CSMD1: variants seen among roughly 807,000 people sequenced by gnomAD.
CSMD1 encodes the protein CUB and Sushi multiple domains 1.
A neutral mutation model predicts 417.5 loss-of-function variants in CSMD1; 213 were observed. That is an observed-to-expected ratio of 0.51 (90% CI 0.46 to 0.57). CSMD1 has a LOEUF of 0.57. Ranked by LOEUF, CSMD1 falls within the 20% of genes least tolerant of loss-of-function variation. CSMD1 has a pLI of 0.00. For synonymous variants in CSMD1, 2,862 were observed against 1,736.8 expected (o/e 1.65, Z -16.11); for missense variants, 6,923 against 4,529.7 (o/e 1.53, Z -15.17).
intron 3 of CSMD1, among the ~76,000 whole-genome samples, chr8:4,120,021 G>A (rs13261350): frequency 0.99 from 150,618 of 152,252 alleles, 74,525 homozygotes; most frequent in East Asian, 1. Context: ...GGCAGTTGAT[G>A]ATAATTTAAT....
Position 4,559,725 on chromosome 8 carries a change from C to G in CSMD1, c.302+77617G>C, listed in dbSNP as rs528369778. Among the ~76,000 whole-genome samples, 3 of 152,352 alleles carry G rather than the reference C, an allele frequency of 2.0e-5. No homozygotes were observed. In the South Asian group the frequency reaches 6.2e-4, roughly 32 times the overall value. On this transcript the variant is annotated intron_variant, in intron 2 of 69. Transcript: ENST00000635120. ...CAAAGATGCTGCGTAGCAGCTCCAT[C>G]AGTCTTTCTGTTATTTCACAAATAG...
chr8:3,560,001 A>C (rs1799400768), intron 10 of CSMD1, among the ~76,000 whole-genome samples: 1 of 152,084 alleles, frequency 6.6e-6, no homozygotes, highest in South Asian at 2.1e-4. Context: ...TAACAAGATG[A>C]GTGGCCAGCG....
intron 3 of CSMD1, among the ~76,000 whole-genome samples, chr8:4,377,518 C>T (rs548906747): frequency 1.5e-4 from 23 of 152,100 alleles, no homozygotes; most frequent in Non-Finnish European, 2.6e-4. Context: ...CACTTTTGGA[C>T]CCAGGAGAAC....
chr8:4,253,157 C>G (rs1484678236), intron 3 of CSMD1, among the ~76,000 whole-genome samples: 1 of 152,148 alleles, frequency 6.6e-6, no homozygotes, highest in Non-Finnish European at 1.5e-5. Context: ...ACGATAAACT[C>G]ATTAGGAAAC....
chr8:3,781,560 C>G (rs897193035), intron 5 of CSMD1, among the ~76,000 whole-genome samples: 2 of 152,126 alleles, frequency 1.3e-5, no homozygotes, highest in Non-Finnish European at 1.5e-5. Flanking sequence ...CTGCTACTCG[C>G]TTTTGAAAAG....
chr8:4,551,935 C>T (rs1797890592), intron 2 of CSMD1, among the ~76,000 whole-genome samples: 1 of 151,810 alleles, frequency 6.6e-6, no homozygotes, highest in Non-Finnish European at 1.5e-5. Flanking sequence ...AATCTGCCCA[C>T]CTTGACCTCC....
intron 10 of CSMD1, among the ~76,000 whole-genome samples, chr8:3,560,140 T>C (rs902842282): frequency 5.3e-5 from 8 of 152,164 alleles, no homozygotes; most frequent in Non-Finnish European, 1.0e-4. Flanking sequence ...TTCAGCAAAG[T>C]TGATTATATA....
intron 7 of CSMD1, among the ~76,000 whole-genome samples, chr8:3,619,905 T>C (rs1194662496): frequency 2.0e-5 from 3 of 152,098 alleles, no homozygotes; most frequent in African/African-American, 7.2e-5. Flanking sequence ...AATTCAAGAC[T>C]GGCCTGGCCA....
intron 18 of CSMD1, among the ~76,000 whole-genome samples, chr8:3,380,581 C>T (rs1357168887): frequency 1.3e-5 from 2 of 152,242 alleles, no homozygotes; most frequent in Admixed American, 1.3e-4. Context: ...GAGTTCATGT[C>T]CTTTGCAGGG....
At chr8:4,791,086 GAGAGACGGTGAGA>G (rs1202824040) in intron 1 of CSMD1, among the ~76,000 whole-genome samples, 2 of 131,366 alleles carry the variant, frequency 1.5e-5, no homozygotes, top group Non-Finnish European at 3.6e-5. Flanking sequence ...GAGACGGTGA[GAGAGACGGTGAGA>G]AGAGACGGGG....
chr8:4,304,413 G>T (rs1026351929), intron 3 of CSMD1, among the ~76,000 whole-genome samples: 5 of 152,190 alleles, frequency 3.3e-5, no homozygotes, highest in Non-Finnish European at 5.9e-5. Flanking sequence ...ATCTAAGAGC[G>T]ACAGAAGGTG....
In CSMD1 at chr8:3,575,109, T is replaced by A; in HGVS notation, c.1223-43A>T. ...CGACGTTATTTTCTACAACATTGTG[T>A]CAGTTTGGTAAAGACATAACATTTA... On this transcript the variant is annotated intron_variant, in intron 9 of 69. Transcript: ENST00000635120. 3 of 1,602,634 alleles carry A rather than the reference T, an allele frequency of 1.9e-6. No homozygotes were observed. In the South Asian group the frequency reaches 3.3e-5, roughly 18 times the overall value.
chr8:4,299,775 T>C (rs948636503), intron 3 of CSMD1, among the ~76,000 whole-genome samples: 1 of 151,928 alleles, frequency 6.6e-6, no homozygotes, highest in African/African-American at 2.4e-5. Context: ...AGATTACAGG[T>C]ACGTGCCACC....
At chr8:3,888,937 T>C (rs532479773) in intron 5 of CSMD1, among the ~76,000 whole-genome samples, 2 of 152,348 alleles carry the variant, frequency 1.3e-5, no homozygotes, top group East Asian at 1.9e-4. Flanking sequence ...TTTAGGTTTA[T>C]GTGAAGATTT....
intron 3 of CSMD1, among the ~76,000 whole-genome samples, chr8:4,198,219 G>C (rs1238625679): frequency 4.6e-5 from 7 of 152,316 alleles, no homozygotes; most frequent in Non-Finnish European, 1.5e-5. Context: ...AATACAAAGA[G>C]GTGCGGAGCA....
chr8:3,227,158 T>G (rs772271840), intron 27 of CSMD1, among the ~76,000 whole-genome samples: 2 of 152,156 alleles, frequency 1.3e-5, no homozygotes, highest in African/African-American at 2.4e-5. Context: ...CCCAGCACTT[T>G]GGGAGTCTGA....
intron 3 of CSMD1, among the ~76,000 whole-genome samples, chr8:4,386,232 C>G (rs764859046): frequency 6.6e-6 from 1 of 152,070 alleles, no homozygotes; most frequent in Non-Finnish European, 1.5e-5. Context: ...CCAACTCAAG[C>G]AATACACACT....
At chr8:4,704,658 T>C (rs1250791690) in intron 1 of CSMD1, among the ~76,000 whole-genome samples, 1 of 152,228 alleles carries the variant, frequency 6.6e-6, no homozygotes, top group Non-Finnish European at 1.5e-5. Context: ...CTACTGGTCA[T>C]TTAAAGAAAA....
At chr8:4,065,425 A>C (rs969332172) in intron 3 of CSMD1, among the ~76,000 whole-genome samples, 1 of 152,240 alleles carries the variant, frequency 6.6e-6, no homozygotes, top group Admixed American at 6.5e-5. Context: ...CTTCTAGAGA[A>C]TAATTGAATC....
Sources: gnomAD v4.1 joint callset for allele counts (sites outside exome capture counted in the v4.1 genomes callset) on GRCh38, gnomAD v4.1.1 for gene constraint, MANE v1.5 for transcripts, NCBI Gene and HGNC (gene_info 2026-07-23, HGNC 2026-07-21) for gene names.